CFTR: variants seen among roughly 807,000 people sequenced by gnomAD.
The protein encoded by CFTR is cystic fibrosis transmembrane conductance regulator.
Under a neutral mutation model 171.6 loss-of-function variants are expected in CFTR, and 181 were observed. The observed-to-expected ratio is 1.05, with a 90% CI of 0.93 to 1.19. The LOEUF (loss-of-function observed/expected upper bound fraction) is 1.19, where lower values mean the gene tolerates loss of function less well. CFTR is among the 50% of genes most tolerant of loss of function. The probability of loss-of-function intolerance (pLI) is 0.00; values close to 1 mark genes in which losing one functional copy is unlikely to be tolerated. For synonymous variants in CFTR, 583 were observed against 608.0 expected (o/e 0.96, Z 0.60); for missense variants, 1,968 against 1,734.7 (o/e 1.13, Z -2.39).
At chr7:117,516,385 T>A (rs35011694) in intron 3 of CFTR, among the ~76,000 whole-genome samples, 2,145 of 152,270 alleles carry the variant, frequency 0.014, 52 homozygotes, top group African/African-American at 0.049. Flanking sequence ...TAGTACAGTA[T>A]ACCATCTTTA....
At chr7:117,665,412 C>T in intron 25 of CFTR, 47 bp from the exon 26 acceptor site, 1 of 1,062,158 alleles carries the variant, frequency 9.4e-7, no homozygotes, top group Admixed American at 1.7e-5. Flanking sequence ...AAATACAGAT[C>T]ATTACTGTTC....
At chr7:117,504,675 G>A (rs939716305) in intron 2 of CFTR, among the ~76,000 whole-genome samples, 1 of 150,852 alleles carries the variant, frequency 6.6e-6, no homozygotes, top group Admixed American at 6.6e-5. Context: ...GGTTACTTGA[G>A]CCCAGGAGTT....
chr7:117,525,408 C>T (rs973845581), intron 3 of CFTR, among the ~76,000 whole-genome samples: 1 of 124,308 alleles, frequency 8.0e-6, no homozygotes, highest in African/African-American at 3.1e-5. Flanking sequence ...CTGCTTGGTG[C>T]AGAGCTGAGT....
At chr7:117,536,907 G>A (rs992629646) in intron 7 of CFTR, among the ~76,000 whole-genome samples, 1 of 152,066 alleles carries the variant, frequency 6.6e-6, no homozygotes, top group Non-Finnish European at 1.5e-5. Context: ...ATACTGATAC[G>A]TTATTAAAGA....
chr7:117,588,997 T>C (rs1791988748), intron 12 of CFTR, among the ~76,000 whole-genome samples: 1 of 152,112 alleles, frequency 6.6e-6, no homozygotes, highest in Non-Finnish European at 1.5e-5. Flanking sequence ...CAAATTTAGA[T>C]AAGATAGAGT....
In CFTR at chr7:117,531,100, T is replaced by G; in HGVS notation, c.475T>G (p.Leu159Val). 6.2e-7 allele frequency: 1 copy of G among 1,612,716 alleles called. No individual in the cohort carries two copies. The highest frequency in any genetic ancestry group is 8.5e-7 in the Non-Finnish European group (1 of 1,179,242). ...GCAGATGAGAATAGCTATGTTTAGT[T>G]TGATTTATAAGAAGGTAATACTTCC... ...GMQMRIAMFS[L>V]IYKKTLKLSS... is the part of the protein sequence containing the mutation. Residue 159 changes from leucine to valine, a missense_variant, in exon 4 of 27, where the codon TTG (leucine) becomes GTG (valine). Coordinates refer to ENST00000003084, the MANE Select transcript of CFTR (RefSeq NM_000492.4).
At chr7:117,622,961 G>A (rs1439639835) in intron 21 of CFTR, among the ~76,000 whole-genome samples, 1 of 152,144 alleles carries the variant, frequency 6.6e-6, no homozygotes, top group East Asian at 1.9e-4. Context: ...CTAATGCTTA[G>A]GTTAGTAACT....
chr7:117,497,827 C>G (rs534789592), intron 1 of CFTR, among the ~76,000 whole-genome samples: 1 of 152,082 alleles, frequency 6.6e-6, no homozygotes, highest in Non-Finnish European at 1.5e-5. Context: ...AATAGTTACC[C>G]ATAGCAATTA....
intron 13 of CFTR, among the ~76,000 whole-genome samples, chr7:117,591,170 T>C (rs1339492737): frequency 6.6e-6 from 1 of 152,174 alleles, no homozygotes; most frequent in African/African-American, 2.4e-5. Context: ...TTTAGTTAAA[T>C]TTAATATCCA....
chr7:117,587,805 G>A lies in CFTR; in HGVS notation c.1651G>A (p.Gly551Ser), dbSNP rs121909013. 3 of 1,609,772 alleles carry A rather than the reference G, an allele frequency of 1.9e-6. No individual in the cohort carries two copies. The highest frequency in any genetic ancestry group is 1.7e-5 in the Admixed American group (1 of 59,898). The part of the protein sequence containing the change: ...LGEGGITLSG[G>S]QRARISLARA... ...AGAAGGTGGAATCACACTGAGTGGA[G>A]GTCAACGAGCAAGAATTTCTTTAGC... is the stretch of plus-strand genomic sequence containing the variant. The change falls in exon 12 of 27, where the codon GGT becomes AGT. Residue 551 changes from glycine (G) to serine (S), a missense_variant. Coordinates refer to ENST00000003084, the MANE Select transcript of CFTR (RefSeq NM_000492.4).
chr7:117,559,374 T>A, intron 10 of CFTR, 90 bp from the exon 11 acceptor site: 1 of 855,934 alleles, frequency 1.2e-6, no homozygotes. Flanking sequence ...CAAATAAGAA[T>A]ATACACTTCT....
intron 11 of CFTR, among the ~76,000 whole-genome samples, chr7:117,585,839 G>A (rs1791925322): frequency 6.6e-6 from 1 of 152,048 alleles, no homozygotes; most frequent in African/African-American, 2.4e-5. Context: ...GTAGAGATGG[G>A]TCTTGCTATG....
chr7:117,513,430 T>C (rs1179279689), intron 3 of CFTR, among the ~76,000 whole-genome samples: 3 of 112,464 alleles, frequency 2.7e-5, no homozygotes, highest in Admixed American at 9.0e-5. Flanking sequence ...TAATCTCTCC[T>C]AGATTTGAAA....
chr7:117,578,031 A>T (rs1394097217), intron 11 of CFTR, among the ~76,000 whole-genome samples: 1 of 152,188 alleles, frequency 6.6e-6, no homozygotes, highest in African/African-American at 2.4e-5. Context: ...TATATAGGAC[A>T]CATGCATGCA....
intron 1 of CFTR, among the ~76,000 whole-genome samples, chr7:117,491,296 T>C (rs1322504754): frequency 6.6e-6 from 1 of 152,080 alleles, no homozygotes; most frequent in East Asian, 1.9e-4. Flanking sequence ...ATGCAGTGCA[T>C]AACTGTATCT....
intron 3 of CFTR, among the ~76,000 whole-genome samples, chr7:117,523,438 G>A (rs981428893): frequency 4.0e-5 from 6 of 150,972 alleles, no homozygotes; most frequent in Non-Finnish European, 5.9e-5. Context: ...GTGCAGTGGC[G>A]CGATCTCCAC....
chr7:117,589,124 G>C (rs924715779), intron 12 of CFTR, among the ~76,000 whole-genome samples: 2 of 151,990 alleles, frequency 1.3e-5, no homozygotes, highest in South Asian at 4.1e-4. Context: ...TTCTTATTCT[G>C]ATCAGAATGT....
At chr7:117,556,409 C>T (rs1402535171) in intron 10 of CFTR, among the ~76,000 whole-genome samples, 8 of 150,448 alleles carry the variant, frequency 5.3e-5, no homozygotes, top group Non-Finnish European at 1.0e-4. Context: ...AACTTGTCTT[C>T]TTTTCCCCTG....
chr7:117,609,619 C>T (rs190351537), intron 18 of CFTR, among the ~76,000 whole-genome samples: 15 of 151,924 alleles, frequency 9.9e-5, no homozygotes, highest in Admixed American at 2.6e-4. Flanking sequence ...AAATATGCTC[C>T]GAAAGGTTAG....
Sources: gnomAD v4.1 joint callset for allele counts (sites outside exome capture counted in the v4.1 genomes callset) on GRCh38, gnomAD v4.1.1 for gene constraint, MANE v1.5 for transcripts, NCBI Gene and HGNC (gene_info 2026-07-23, HGNC 2026-07-21) for gene names.